RNF168: variants seen among roughly 807,000 people sequenced by gnomAD.
RNF168 encodes E3 ubiquitin-protein ligase RNF168.
A neutral mutation model predicts 34.9 loss-of-function variants in RNF168; 34 were observed. The ratio of observed to expected loss-of-function variants is 0.97; its 90% confidence interval spans 0.74 to 1.30. The LOEUF (loss-of-function observed/expected upper bound fraction) is 1.30. Ranked by LOEUF, RNF168 falls within the 50% of genes most tolerant of loss-of-function variation. RNF168 has a pLI of 0.00. For missense variants in RNF168, 725 were observed against 682.5 expected (o/e 1.06, Z -0.69); for synonymous variants, 264 against 254.7 (o/e 1.04, Z -0.35).
intron 5 of RNF168, among the ~76,000 whole-genome samples, chr3:196,473,204 C>T (rs1732056826): frequency 6.6e-6 from 1 of 152,134 alleles, no homozygotes; most frequent in Non-Finnish European, 1.5e-5. Flanking sequence ...AAAGGTCTGC[C>T]AGCATAGGGG....
chr3:196,502,062 A>AG, intron 1 of RNF168, among the ~76,000 whole-genome samples: 1 of 138,042 alleles, frequency 7.2e-6, no homozygotes, highest in African/African-American at 2.7e-5. Flanking sequence ...TAGAAAAAAA[A>AG]AAAAAAAAAA....
intron 4 of RNF168, among the ~76,000 whole-genome samples, chr3:196,479,156 G>GCA (rs1285826415): frequency 1.3e-5 from 2 of 151,394 alleles, no homozygotes; most frequent in Non-Finnish European, 1.5e-5. Flanking sequence ...GGGATTACAG[G>GCA]TGCTCGCCAC....
At chr3:196,499,628 C>T (rs1413182273) in intron 1 of RNF168, among the ~76,000 whole-genome samples, 1 of 152,070 alleles carries the variant, frequency 6.6e-6, no homozygotes, top group Non-Finnish European at 1.5e-5. Context: ...TGAGACCATC[C>T]TGACCAACAC....
chr3:196,493,979 T>C (rs929489409), intron 1 of RNF168, among the ~76,000 whole-genome samples: 5 of 151,610 alleles, frequency 3.3e-5, no homozygotes, highest in Non-Finnish European at 7.4e-5. Flanking sequence ...GAGCCTCCCA[T>C]GTAGCTGAGA....
rs1446350099 is a variant in RNF168 at position 196,487,471 on chromosome 3, T to C, written c.486A>G (p.Glu162=). ...EEEEEEKRQA[E]KRRRAMEEQL... The stretch of plus-strand genomic sequence containing the variant: ...GTTCTTCCATCGCTCTTCGCCTTTT[T>C]TCTGCCTGTCTTTTTTCCTCTTCTT... The change falls in exon 3 of 6, where the codon GAA becomes GAG. Residue 162 remains glutamate, a synonymous_variant. Transcript: ENST00000318037. The C allele has an allele frequency of 1.2e-6, 2 of 1,614,108 alleles. No homozygotes were observed. The highest frequency in any genetic ancestry group is 1.7e-6 in the Non-Finnish European group (2 of 1,180,014).
Position 196,503,687 on chromosome 3 carries a change from T to G in RNF168, c.-514A>C. ...TCACCTTTCGGGCGCCTGGCGCAGT[T>G]TCCCAGAGCTCCGCGCCCCCGTCCC... On this transcript the variant is annotated 5_prime_UTR_variant, in exon 1 of 6. Coordinates refer to ENST00000318037, the MANE Select transcript of RNF168 (RefSeq NM_152617.4). 1 of 194,044 alleles carries G rather than the reference T, an allele frequency of 5.2e-6. No homozygotes were observed. Among genetic ancestry groups the G allele is most frequent in the East Asian group, 1.4e-4 (1 of 7,312 alleles). 12.0% of individuals were successfully genotyped at this position (194,044 alleles called of 1,614,324 possible).
intron 3 of RNF168, among the ~76,000 whole-genome samples, chr3:196,486,546 C>A (rs1028570197): frequency 8.6e-5 from 13 of 151,906 alleles, no homozygotes; most frequent in Admixed American, 3.9e-4. Flanking sequence ...GTTGCCCAGG[C>A]TGGTCTCAAA....
chr3:196,481,682 G>GGT (rs1577512919), intron 4 of RNF168, among the ~76,000 whole-genome samples: 2 of 62,362 alleles, frequency 3.2e-5, no homozygotes, highest in African/African-American at 6.3e-5. Context: ...TTTCAGCTGC[G>GGT]TTTTTTTTTT....
In RNF168 at chr3:196,487,550, T is replaced by C; in HGVS notation, c.407A>G (p.Glu136Gly). The C allele has an allele frequency of 1.9e-6, 3 of 1,614,214 alleles. No individual in the cohort carries two copies. The highest frequency in any genetic ancestry group is 2.5e-6 in the Non-Finnish European group (3 of 1,180,034). ...TTCTTCACTGGCTTTGTTTTCTTCT[T>C]CCTCGCTGGCCCGTCGCTCTGCCGC... ...KVAAERRASEEEENKASEEYI... is the reference protein window; with the variant it reads ...KVAAERRASEGEENKASEEYI... Residue 136 changes from glutamate to glycine, a missense_variant, in exon 3 of 6, where the codon GAA becomes GGA. Physicochemically the swap from Glu to Gly is moderately conservative, Grantham distance 98 (BLOSUM62 -2). Transcript: ENST00000318037.
At position 196,471,597 on chromosome 3, in the gene RNF168, CAT is replaced by C; in HGVS notation, c.*220_*221del. ...TCTAAGAATTGTAAAGCTTAATACA[CAT>C]CTGTTATTAAGAAGGGAAACGACAG... On this transcript the variant is annotated 3_prime_UTR_variant, in exon 6 of 6. Transcript: ENST00000318037. 1.6e-5 allele frequency: 9 copies of C among 547,614 alleles called. No homozygotes were observed. In the South Asian group the frequency reaches 1.9e-4, roughly 12 times the overall value. 33.9% of individuals were successfully genotyped at this position (547,614 alleles called of 1,614,324 possible).
chr3:196,498,506 A>G (rs1459028425), intron 1 of RNF168, among the ~76,000 whole-genome samples: 1 of 152,068 alleles, frequency 6.6e-6, no homozygotes, highest in East Asian at 1.9e-4. Flanking sequence ...GTATTTAACC[A>G]AAAAAACCCT....
At position 196,487,502 on chromosome 3, in the gene RNF168, T is replaced by C. The variant is rs1434639650; in HGVS notation, c.455A>G (p.Glu152Gly). 1 of 1,614,160 alleles carries C rather than the reference T, an allele frequency of 6.2e-7. No homozygotes were observed. The highest frequency in any genetic ancestry group is 1.7e-5 in the Admixed American group (1 of 60,022). Residue 152 changes from glutamate (E) to glycine (G), a missense_variant, in exon 3 of 6, where the codon GAG (glutamate) becomes GGG (glycine). Coordinates refer to ENST00000318037, the MANE Select transcript of RNF168 (RefSeq NM_152617.4). ...SEEYIQRLLA[E>G]EEEEEKRQAE... Reference sequence around the variant, plus strand: ...CTGTCTTTTTTCCTCTTCTTCCTCCTCTGCCAACAACCTCTGTATGTATTC... The same window carrying C: ...CTGTCTTTTTTCCTCTTCTTCCTCCCCTGCCAACAACCTCTGTATGTATTC...
intron 1 of RNF168, among the ~76,000 whole-genome samples, chr3:196,500,458 T>C (rs1050623662): frequency 6.6e-6 from 1 of 151,984 alleles, no homozygotes; most frequent in Admixed American, 6.6e-5. Context: ...AGCAGTCGGG[T>C]TCACAGAAAT....
chr3:196,476,749 ATTTC>A (rs1471798986), intron 4 of RNF168, among the ~76,000 whole-genome samples: 1 of 141,296 alleles, frequency 7.1e-6, no homozygotes, highest in Non-Finnish European at 1.5e-5. Context: ...ATATCTTTAC[ATTTC>A]TTTCTTTTTT....
At chr3:196,484,395 C>T (rs2108648993) in intron 3 of RNF168, among the ~76,000 whole-genome samples, 1 of 149,710 alleles carries the variant, frequency 6.7e-6, no homozygotes, top group Admixed American at 6.7e-5. Context: ...AGGATGGTCT[C>T]GATTTCCTGA....
At position 196,474,685 on chromosome 3, in the gene RNF168, T is replaced by C. The variant is rs545335512; in HGVS notation, c.762+546A>G. ...CTGATCTCGAACCCCTGACCTCAGA[T>C]AATCCACCTGCCTCAGTCTCCCAAA... On this transcript the variant is annotated intron_variant, in intron 5 of 5. Coordinates refer to ENST00000318037, the MANE Select transcript of RNF168 (RefSeq NM_152617.4). 24 of 156,490 alleles carry C rather than the reference T, an allele frequency of 1.5e-4. No individual in the cohort carries two copies. In the East Asian group the frequency reaches 3.0e-3, roughly 20 times the overall value. The allele number at this position is 156,490 out of a possible 1,614,324, so 9.7% of individuals were successfully genotyped here.
chr3:196,495,748 C>T (rs941796340), intron 1 of RNF168, among the ~76,000 whole-genome samples: 11 of 152,102 alleles, frequency 7.2e-5, no homozygotes, highest in African/African-American at 2.4e-4. Flanking sequence ...ATGAGTCCTC[C>T]GTTCTCCGGC....
chr3:196,491,803 CA>C (rs1732604313), intron 1 of RNF168, among the ~76,000 whole-genome samples: 1 of 151,636 alleles, frequency 6.6e-6, no homozygotes, highest in Non-Finnish European at 1.5e-5. Flanking sequence ...AGTATGCGGC[CA>C]AAAAAGGAAA....
intron 1 of RNF168, among the ~76,000 whole-genome samples, chr3:196,499,535 A>C (rs1393199281): frequency 2.0e-5 from 3 of 152,146 alleles, no homozygotes; most frequent in Non-Finnish European, 4.4e-5. Context: ...GATAAAAACT[A>C]AAACAGCCCG....
Sources: allele counts gnomAD v4.1 joint callset (sites outside exome capture counted in the v4.1 genomes callset), GRCh38; gene constraint gnomAD v4.1.1; transcripts MANE v1.5; gene names NCBI Gene and HGNC (gene_info 2026-07-23, HGNC 2026-07-21).